The following TUT7 variants were observed in gnomAD, a reference collection of about 807,000 sequenced individuals.
TUT7 encodes the protein terminal uridylyltransferase 7.
TUT7 carries 33 observed loss-of-function variants against 165.9 expected under a neutral mutation model. The ratio of observed to expected loss-of-function variants is 0.20; its 90% CI spans 0.15 to 0.27. The LOEUF is 0.27. Among genes scored for constraint, TUT7 ranks in the 10% least tolerant of loss-of-function variants. The probability of loss-of-function intolerance (pLI) is 1.00; values close to 1 mark genes in which losing one functional copy is unlikely to be tolerated. For synonymous variants in TUT7, 552 were observed against 608.1 expected, an observed-to-expected ratio of 0.91 and a Z score of 1.36; for missense variants, 1,338 against 1,762.3, an observed-to-expected ratio of 0.76 and a Z score of 4.31.
At chr9:86,353,406 G>T (rs1832469502) in intron 1 of TUT7, among the ~76,000 whole-genome samples, 176 bp from the exon 2 acceptor site, 1 of 152,020 alleles carries the variant, frequency 6.6e-6, no homozygotes, top group South Asian at 2.1e-4. Context: ...CTAGAGGTTG[G>T]GAGGCTTGGT....
At chr9:86,290,848 A>G (rs1401032828) in intron 26 of TUT7, among the ~76,000 whole-genome samples, 1 of 152,036 alleles carries the variant, frequency 6.6e-6, no homozygotes, top group Non-Finnish European at 1.5e-5. Context: ...CGACAGAGCA[A>G]GACTCCATCT....
chr9:86,321,304 C>T (rs1013880378), intron 14 of TUT7, among the ~76,000 whole-genome samples: 1 of 151,808 alleles, frequency 6.6e-6, no homozygotes, highest in Non-Finnish European at 1.5e-5. Flanking sequence ...TTGCAGTGAG[C>T]TGAGATCGCA....
chr9:86,301,686 T>C, intron 25 of TUT7, 85 bp from the exon 26 acceptor site: 2 of 1,520,574 alleles, frequency 1.3e-6, no homozygotes, highest in Non-Finnish European at 1.7e-6. Flanking sequence ...TTAAGGCAAT[T>C]CTAGATTTAA....
At chr9:86,308,666 TCATTTGTATTTTAGGGA>T in intron 21 of TUT7, 60 bp from the exon 22 acceptor site, 4 of 1,367,486 alleles carry the variant, frequency 2.9e-6, no homozygotes, top group Non-Finnish European at 3.9e-6. Flanking sequence ...ATATCAATAT[TCATTTGTATTTTAGGGA>T]GTAAATTTGG....
intron 23 of TUT7, 52 bp from the exon 24 acceptor site, chr9:86,304,999 G>T: frequency 7.2e-7 from 1 of 1,386,544 alleles, no homozygotes; most frequent in Non-Finnish European, 1.0e-6. Context: ...AAAAGAGATT[G>T]TATTACAAAT....
chr9:86,346,440 C>G lies in TUT7; in HGVS notation c.561G>C (p.Lys187Asn). 6.2e-7 allele frequency: 1 copy of G among 1,614,014 alleles called. No homozygotes were observed. The highest frequency in any genetic ancestry group is 2.2e-5 in the East Asian group (1 of 44,870). ...CCTGCTCATTTTCCTCATTTCTAGTCTTCCGTGGCTTCCTAGGTCTGGACC... is the reference window on the plus strand; with the variant it reads ...CCTGCTCATTTTCCTCATTTCTAGTGTTCCGTGGCTTCCTAGGTCTGGACC... ...KQRSRPRKPR[K>N]TRNEENEQDG... is the part of the protein sequence containing the mutation. Residue 187 changes from lysine (K) to asparagine (N), a missense_variant, in exon 3 of 27, where the codon AAG (lysine) becomes AAC (asparagine). Physicochemically the swap from Lys to Asn is moderately conservative, Grantham distance 94. Coordinates refer to ENST00000375963, the MANE Select transcript of TUT7 (RefSeq NM_024617.4).
chr9:86,349,561 G>A (rs759548867), intron 2 of TUT7, among the ~76,000 whole-genome samples: 29 of 151,884 alleles, frequency 1.9e-4, no homozygotes, highest in South Asian at 4.2e-4. Flanking sequence ...AGGTAGTACC[G>A]TATGTGGGGG....
At chr9:86,316,561 A>C (rs1376166240) in intron 17 of TUT7, among the ~76,000 whole-genome samples, 1 of 152,240 alleles carries the variant, frequency 6.6e-6, no homozygotes, top group East Asian at 1.9e-4. Flanking sequence ...CACAATTAGC[A>C]ACTCCTACAC....
At chr9:86,337,930 T>C (rs373438172) in intron 9 of TUT7, among the ~76,000 whole-genome samples, 3 of 152,284 alleles carry the variant, frequency 2.0e-5, no homozygotes, top group African/African-American at 4.8e-5. Flanking sequence ...CCATAGCGTC[T>C]TGCATATGCA....
chr9:86,321,628 T>C (rs538886778), intron 14 of TUT7, among the ~76,000 whole-genome samples: 40 of 151,572 alleles, frequency 2.6e-4, no homozygotes, highest in African/African-American at 9.0e-4. Flanking sequence ...ACTTGGGTGG[T>C]TGAGGCAGAA....
chr9:86,334,168 G>A (rs896096068), intron 10 of TUT7, among the ~76,000 whole-genome samples: 4 of 152,180 alleles, frequency 2.6e-5, no homozygotes, highest in African/African-American at 9.7e-5. Flanking sequence ...CCCGTGGCAA[G>A]TAAAACCCAA....
At chr9:86,337,250 C>G (rs546195817) in intron 10 of TUT7, 169 bp downstream of exon 10, 125 of 759,486 alleles carry the variant, frequency 1.6e-4, no homozygotes, top group Middle Eastern at 4.1e-4. Flanking sequence ...ATACTGAAAT[C>G]AAACACATTA....
At chr9:86,298,027 T>TG in intron 26 of TUT7, among the ~76,000 whole-genome samples, 1 of 150,526 alleles carries the variant, frequency 6.6e-6, no homozygotes, top group Middle Eastern at 3.5e-3. Context: ...TTTCCATCTC[T>TG]GAGTTTACCA....
At chr9:86,325,961 G>A (rs1233734670) in intron 11 of TUT7, among the ~76,000 whole-genome samples, 1 of 152,178 alleles carries the variant, frequency 6.6e-6, no homozygotes, top group Admixed American at 6.5e-5. Context: ...TCACTGCCCT[G>A]AGAAGCTACA....
chr9:86,319,888 A>G (rs1444398949), intron 14 of TUT7, among the ~76,000 whole-genome samples: 1 of 152,162 alleles, frequency 6.6e-6, no homozygotes, highest in Admixed American at 6.5e-5. Flanking sequence ...GCTGCAGTGC[A>G]GTAGTGTGAT....
At chr9:86,293,270 C>A (rs1040745153) in intron 26 of TUT7, among the ~76,000 whole-genome samples, 1 of 151,962 alleles carries the variant, frequency 6.6e-6, no homozygotes, top group South Asian at 2.1e-4. Context: ...GGCAACATGG[C>A]GAGACCCTGT....
intron 9 of TUT7, 29 bp downstream of exon 9, chr9:86,338,794 G>C (rs1268404699): frequency 7.7e-6 from 12 of 1,560,958 alleles, no homozygotes; most frequent in Non-Finnish European, 1.0e-5. Flanking sequence ...TATGTAGAAT[G>C]TATTCATGCA....
chr9:86,293,870 T>C (rs749848171), intron 26 of TUT7, among the ~76,000 whole-genome samples: 4 of 152,100 alleles, frequency 2.6e-5, no homozygotes, highest in Admixed American at 1.3e-4. Context: ...CTCAGCCTCC[T>C]GAGCAGCTGG....
At chr9:86,326,230 G>T (rs557542189) in intron 11 of TUT7, 1 of 152,474 alleles carries the variant, frequency 6.6e-6, no homozygotes, top group African/African-American at 2.4e-5. Flanking sequence ...GTGGCTAAGA[G>T]AACAGGCTTT....
Sources: allele counts gnomAD v4.1 joint callset (sites outside exome capture counted in the v4.1 genomes callset), GRCh38; gene constraint gnomAD v4.1.1; transcripts MANE v1.5; gene names NCBI Gene and HGNC (gene_info 2026-07-23, HGNC 2026-07-21).